GULP1: variants seen among roughly 807,000 people sequenced by gnomAD.
The protein encoded by GULP1 is GULP PTB domain containing engulfment adaptor 1, also known as PTB domain-containing engulfment adapter protein 1.
In GULP1, 19 loss-of-function variants were observed where a neutral mutation model predicts 40.9. The ratio of observed to expected loss-of-function variants is 0.46; its 90% CI spans 0.32 to 0.68. GULP1 has a LOEUF of 0.68. Ranked by LOEUF, GULP1 falls within the 30% of genes least tolerant of loss-of-function variation. The probability of loss-of-function intolerance (pLI) is 0.03; values close to 1 mark genes in which losing one functional copy is unlikely to be tolerated. For synonymous variants in GULP1, 119 were observed against 117.6 expected, an observed-to-expected ratio of 1.01 and a Z score of -0.08; for missense variants, 312 against 362.2, an observed-to-expected ratio of 0.86 and a Z score of 1.12.
intron 1 of GULP1, among the ~76,000 whole-genome samples, chr2:188,341,263 G>A (rs1373970930): frequency 1.3e-5 from 2 of 152,066 alleles, no homozygotes; most frequent in East Asian, 1.9e-4. Flanking sequence ...CACATCGCAT[G>A]GTGAAAGCAG....
chr2:188,403,353 A>G (rs2052587509), intron 2 of GULP1, among the ~76,000 whole-genome samples: 1 of 152,172 alleles, frequency 6.6e-6, no homozygotes, highest in African/African-American at 2.4e-5. Flanking sequence ...ATAGTAACAC[A>G]TAAATATATT....
intron 2 of GULP1, among the ~76,000 whole-genome samples, chr2:188,462,958 A>T (rs980402665): frequency 2.0e-5 from 3 of 151,964 alleles, no homozygotes; most frequent in African/African-American, 7.2e-5. Flanking sequence ...GTTACTACTT[A>T]TATCTTATTG....
At chr2:188,576,882 T>C (rs1261291665) in intron 9 of GULP1, among the ~76,000 whole-genome samples, 2 of 152,240 alleles carry the variant, frequency 1.3e-5, no homozygotes, top group African/African-American at 4.8e-5. Flanking sequence ...CTGGGAACAA[T>C]CTGATTTCCA....
intron 4 of GULP1, among the ~76,000 whole-genome samples, chr2:188,502,707 T>G (rs546900982): frequency 5.0e-4 from 76 of 152,082 alleles, no homozygotes; most frequent in African/African-American, 1.8e-3. Context: ...GTAATTTAAT[T>G]TAATCTCTGG....
chr2:188,297,971 A>G (rs944660167), intron 1 of GULP1, among the ~76,000 whole-genome samples: 4 of 152,126 alleles, frequency 2.6e-5, no homozygotes, highest in Admixed American at 2.6e-4. Flanking sequence ...TTTAAGTAAA[A>G]TTTTAATAGC....
At chr2:188,536,450 T>TC (rs1285784808) in intron 6 of GULP1, among the ~76,000 whole-genome samples, 1 of 152,152 alleles carries the variant, frequency 6.6e-6, no homozygotes, top group Non-Finnish European at 1.5e-5. Flanking sequence ...GGGAGTCCTT[T>TC]CCCCATTGTT....
chr2:188,584,238 AC>A, intron 9 of GULP1, 26 bp from the exon 10 acceptor site: 4 of 1,514,748 alleles, frequency 2.6e-6, no homozygotes, highest in Non-Finnish European at 3.7e-6. Context: ...ATGAAATATT[AC>A]CCTAATTCAT....
intron 1 of GULP1, among the ~76,000 whole-genome samples, chr2:188,340,748 C>T (rs558604985): frequency 4.6e-5 from 7 of 152,072 alleles, no homozygotes; most frequent in Admixed American, 6.6e-5. Flanking sequence ...TCAGATCGCA[C>T]AAACGAATTG....
At chr2:188,295,947 C>G (rs181308223) in intron 1 of GULP1, among the ~76,000 whole-genome samples, 83 of 152,060 alleles carry the variant, frequency 5.5e-4, no homozygotes, top group African/African-American at 1.9e-3. Context: ...TTAAATTTTA[C>G]TTAGCAGAGT....
intron 1 of GULP1, among the ~76,000 whole-genome samples, chr2:188,372,654 C>T (rs1306822013): frequency 6.6e-6 from 1 of 152,002 alleles, no homozygotes; most frequent in East Asian, 1.9e-4. Context: ...TTTGACCTAA[C>T]ATCCATGTGA....
At chr2:188,333,443 C>T (rs751490470) in intron 1 of GULP1, among the ~76,000 whole-genome samples, 1 of 152,022 alleles carries the variant, frequency 6.6e-6, no homozygotes, top group Non-Finnish European at 1.5e-5. Flanking sequence ...TTGGTTTAGG[C>T]AAGCCAGGAT....
chr2:188,472,428 C>T (rs1425294438), intron 2 of GULP1, among the ~76,000 whole-genome samples: 1 of 152,096 alleles, frequency 6.6e-6, no homozygotes, highest in Non-Finnish European at 1.5e-5. Context: ...TCTTTTGAGG[C>T]TATTTTCTAG....
chr2:188,399,641 G>A (rs1160441927), intron 2 of GULP1, among the ~76,000 whole-genome samples: 3 of 129,562 alleles, frequency 2.3e-5, no homozygotes, highest in Non-Finnish European at 3.1e-5. Context: ...ATTGCTTGAG[G>A]CCAGAACTTT....
intron 4 of GULP1, among the ~76,000 whole-genome samples, chr2:188,490,856 T>C (rs2062310275): frequency 6.6e-6 from 1 of 152,106 alleles, no homozygotes; most frequent in South Asian, 2.1e-4. Flanking sequence ...CAGGCTGAAA[T>C]GCAGTGGCAC....
At chr2:188,430,735 CT>C (rs1431516790) in intron 2 of GULP1, among the ~76,000 whole-genome samples, 1 of 152,150 alleles carries the variant, frequency 6.6e-6, no homozygotes, top group African/African-American at 2.4e-5. Flanking sequence ...ACCAAAACTC[CT>C]TTTCCTCAAA....
intron 2 of GULP1, among the ~76,000 whole-genome samples, chr2:188,386,068 G>A (rs994023610): frequency 6.6e-6 from 1 of 152,140 alleles, no homozygotes; most frequent in African/African-American, 2.4e-5. Context: ...CCAATTTACT[G>A]TATGAGTCTG....
At chr2:188,393,574 A>G (rs1178261352) in intron 2 of GULP1, among the ~76,000 whole-genome samples, 2 of 152,062 alleles carry the variant, frequency 1.3e-5, no homozygotes, top group Non-Finnish European at 2.9e-5. Context: ...TTTATGTTCA[A>G]TGTTAATATT....
At chr2:188,557,489 A>C (rs959797468) in intron 7 of GULP1, among the ~76,000 whole-genome samples, 1 of 152,150 alleles carries the variant, frequency 6.6e-6, no homozygotes, top group Non-Finnish European at 1.5e-5. Flanking sequence ...ATCTTCTTTG[A>C]CTCCATGTCC....
chr2:188,356,346 C>T (rs138886466), intron 1 of GULP1, among the ~76,000 whole-genome samples: 1 of 152,154 alleles, frequency 6.6e-6, no homozygotes, highest in East Asian at 1.9e-4. Flanking sequence ...AAAGTTACAG[C>T]ATATGAAATC....
Sources: allele counts gnomAD v4.1 joint callset (sites outside exome capture counted in the v4.1 genomes callset), GRCh38; gene constraint gnomAD v4.1.1; transcripts MANE v1.5; gene names NCBI Gene and HGNC (gene_info 2026-07-23, HGNC 2026-07-21).